Variants in MDGA2 observed in about 807,000 individuals in gnomAD.
MDGA2 encodes the protein MAM domain containing glycosylphosphatidylinositol anchor 2.
Under a neutral mutation model 117.8 loss-of-function variants are expected in MDGA2, and 40 were observed. The ratio of observed to expected loss-of-function variants is 0.34; its 90% CI spans 0.26 to 0.44. The LOEUF is 0.44. Ranked by LOEUF, MDGA2 falls within the 20% of genes least tolerant of loss-of-function variation. MDGA2 has a pLI of 1.00. For synonymous variants in MDGA2, 452 were observed against 439.0 expected (o/e 1.03, Z -0.37); for missense variants, 1,123 against 1,250.6 (o/e 0.90, Z 1.54).
intron 2 of MDGA2, among the ~76,000 whole-genome samples, chr14:47,250,840 T>C (rs1158657283): frequency 6.6e-6 from 1 of 152,188 alleles, no homozygotes; most frequent in Non-Finnish European, 1.5e-5. Context: ...AGGCACAAAT[T>C]CCTTGGCCCT....
At chr14:47,297,160 T>A (rs1050782468) in intron 2 of MDGA2, among the ~76,000 whole-genome samples, 1 of 152,146 alleles carries the variant, frequency 6.6e-6, no homozygotes, top group Non-Finnish European at 1.5e-5. Flanking sequence ...TACTTTTCAT[T>A]ATCTCACTTA....
chr14:47,588,931 G>T (rs1002544621), intron 1 of MDGA2, among the ~76,000 whole-genome samples: 1 of 151,922 alleles, frequency 6.6e-6, no homozygotes, highest in Non-Finnish European at 1.5e-5. Context: ...TCTAGAGGCT[G>T]CATGTATTGG....
intron 2 of MDGA2, among the ~76,000 whole-genome samples, chr14:47,290,275 TA>T (rs2139771032): frequency 6.6e-6 from 1 of 152,050 alleles, no homozygotes; most frequent in East Asian, 1.9e-4. Flanking sequence ...TTAGTACCCT[TA>T]AAAAGGAGAC....
chr14:46,880,689 C>G (rs891987638), intron 11 of MDGA2, among the ~76,000 whole-genome samples: 18 of 150,140 alleles, frequency 1.2e-4, no homozygotes, highest in African/African-American at 3.4e-4. Context: ...GTAATCCCAG[C>G]TACTCGGGAG....
At chr14:47,627,229 T>C (rs1229468816) in intron 1 of MDGA2, among the ~76,000 whole-genome samples, 2 of 151,860 alleles carry the variant, frequency 1.3e-5, no homozygotes, top group African/African-American at 4.8e-5. Context: ...AATGCACCAA[T>C]TGGCACTCTG....
chr14:47,121,628 A>T (rs1040960321), intron 5 of MDGA2, among the ~76,000 whole-genome samples: 5 of 152,068 alleles, frequency 3.3e-5, no homozygotes, highest in Admixed American at 1.3e-4. Context: ...ACCCACTACC[A>T]CCACCATAAC....
chr14:47,493,588 G>A (rs1282767397), intron 1 of MDGA2, among the ~76,000 whole-genome samples: 5 of 151,968 alleles, frequency 3.3e-5, no homozygotes, highest in Non-Finnish European at 5.9e-5. Flanking sequence ...AAAGTGCTGG[G>A]ATTACAGGTG....
intron 3 of MDGA2, among the ~76,000 whole-genome samples, chr14:47,171,061 G>C (rs369640866): frequency 6.6e-6 from 1 of 152,046 alleles, no homozygotes; most frequent in Non-Finnish European, 1.5e-5. Context: ...AAAAAGTAAA[G>C]TCATATACTC....
chr14:47,185,030 G>C (rs1884855234), intron 3 of MDGA2, among the ~76,000 whole-genome samples: 1 of 151,058 alleles, frequency 6.6e-6, no homozygotes, highest in African/African-American at 2.4e-5. Context: ...CTAGAACTAT[G>C]TCAAATATGT....
At chr14:47,200,724 T>G in intron 3 of MDGA2, 1 of 893,828 alleles carries the variant, frequency 1.1e-6, no homozygotes, top group Non-Finnish European at 1.8e-6. Flanking sequence ...TCCTGCAGGG[T>G]GGCTGTCACT....
rs1555336908 is a variant in MDGA2, at chr14:47,619,116, TACACACAC to T, written c.280+55393_280+55400del. On this transcript the variant is annotated intron_variant, in intron 1 of 16. Transcript: ENST00000399232. Reference sequence around the variant, plus strand: ...TAGCATCTCTGAGCCTCAGTTTAATTACACACACACACACACACACACACACACACACA... The same window carrying T: ...TAGCATCTCTGAGCCTCAGTTTAATTACACACACACACACACACACACACA... Among the ~76,000 whole-genome samples, 11 of 90,804 alleles carry T rather than the reference TACACACAC, an allele frequency of 1.2e-4. No homozygotes were observed. In the South Asian group the frequency reaches 2.6e-3, roughly 22 times the overall value. The allele number at this position is 90,804 out of a possible 152,430, so 59.6% of individuals were successfully genotyped here.
chr14:47,197,920 G>A (rs1451069162), intron 3 of MDGA2, among the ~76,000 whole-genome samples: 2 of 151,934 alleles, frequency 1.3e-5, no homozygotes, highest in Non-Finnish European at 2.9e-5. Context: ...AAAACAGAAA[G>A]GACCATAACA....
At chr14:47,354,037 G>A (rs1291083158) in intron 1 of MDGA2, among the ~76,000 whole-genome samples, 1 of 152,014 alleles carries the variant, frequency 6.6e-6, no homozygotes, top group Admixed American at 6.6e-5. Flanking sequence ...TACATTAATG[G>A]AATAAAGGAC....
chr14:47,202,562 C>T (rs1451020675), intron 3 of MDGA2, among the ~76,000 whole-genome samples: 2 of 152,130 alleles, frequency 1.3e-5, no homozygotes, highest in Non-Finnish European at 2.9e-5. Flanking sequence ...AAGAGCTGAC[C>T]TTCCTGAGCT....
intron 10 of MDGA2, among the ~76,000 whole-genome samples, chr14:46,906,609 T>C (rs1883503998): frequency 6.6e-6 from 1 of 152,204 alleles, no homozygotes; most frequent in African/African-American, 2.4e-5. Flanking sequence ...AATTAGAGTA[T>C]ATATTTACTT....
chr14:47,093,983 C>T (rs1566619908), intron 6 of MDGA2, among the ~76,000 whole-genome samples: 1 of 152,084 alleles, frequency 6.6e-6, no homozygotes, highest in Non-Finnish European at 1.5e-5. Context: ...CTAAGACTCA[C>T]AGAGGTCTAC....
At chr14:46,893,009 T>A (rs937310624) in intron 10 of MDGA2, among the ~76,000 whole-genome samples, 1 of 151,930 alleles carries the variant, frequency 6.6e-6, no homozygotes, top group Non-Finnish European at 1.5e-5. Context: ...TCTAGATACC[T>A]ACCCAGAAGA....
intron 1 of MDGA2, among the ~76,000 whole-genome samples, chr14:47,504,784 G>C (rs79773909): frequency 3.3e-5 from 5 of 152,056 alleles, no homozygotes; most frequent in Non-Finnish European, 7.4e-5. Context: ...AAAACAGTAC[G>C]GAAGTTCCAC....
chr14:47,198,330 T>C (rs1286814290), intron 3 of MDGA2, among the ~76,000 whole-genome samples: 2 of 152,122 alleles, frequency 1.3e-5, no homozygotes, highest in Admixed American at 1.3e-4. Context: ...CCCAGCACTT[T>C]GGGAGGCTGA....
Sources: allele counts gnomAD v4.1 joint callset (sites outside exome capture counted in the v4.1 genomes callset), GRCh38; gene constraint gnomAD v4.1.1; transcripts MANE v1.5; gene names NCBI Gene and HGNC (gene_info 2026-07-23, HGNC 2026-07-21).